Variants in MLLT10 observed in about 807,000 individuals in gnomAD.
The protein encoded by MLLT10 is MLLT10 histone lysine methyltransferase DOT1L cofactor.
In MLLT10, 30 loss-of-function variants were observed where a neutral mutation model predicts 129.1. The observed-to-expected ratio is 0.23, with a 90% CI of 0.17 to 0.32. The LOEUF is 0.32. MLLT10 is among the 10% of genes least tolerant of loss of function. The probability of loss-of-function intolerance (pLI) is 1.00; values close to 1 mark genes in which losing one functional copy is unlikely to be tolerated. For synonymous variants in MLLT10, 490 were observed against 446.4 expected, an observed-to-expected ratio of 1.10 and a Z score of -1.23; for missense variants, 1,119 against 1,268.3, an observed-to-expected ratio of 0.88 and a Z score of 1.79.
chr10:21,538,970 C>A, intron 3 of MLLT10, 58 bp downstream of exon 3: 1 of 1,218,354 alleles, frequency 8.2e-7, no homozygotes, highest in Non-Finnish European at 1.2e-6. Flanking sequence ...AAATTAGGAA[C>A]TGCACTCCTG....
At chr10:21,717,939 TTTCTTCTTTC>T (rs765416746) in intron 14 of MLLT10, among the ~76,000 whole-genome samples, 1,885 of 142,476 alleles carry the variant, frequency 0.013, 25 homozygotes, top group Middle Eastern at 0.043. Context: ...TTCTCCTTCT[TTTCTTCTTTC>T]TTCTTCTTTC....
Position 21,534,629 on chromosome 10 carries a change from C to T in MLLT10, c.1-16C>T, listed in dbSNP as rs2033477186. ...CTTGCATGTGTTTTTTAATGGTCCCCCCAACTCCCTCTTAGATGGTCTCTA... is the reference window on the plus strand; with the variant it reads ...CTTGCATGTGTTTTTTAATGGTCCCTCCAACTCCCTCTTAGATGGTCTCTA... On this transcript the variant is annotated splice_polypyrimidine_tract_variant and intron_variant, in intron 1 of 22. Coordinates refer to ENST00000307729, the MANE Select transcript of MLLT10 (RefSeq NM_001195626.3). 2 of 1,599,932 alleles carry T rather than the reference C, an allele frequency of 1.3e-6. No homozygotes were observed. The highest frequency in any genetic ancestry group is 1.7e-6 in the Non-Finnish European group (2 of 1,172,358).
At chr10:21,727,463 TAAA>T (rs962647068) in intron 15 of MLLT10, among the ~76,000 whole-genome samples, 5 of 152,146 alleles carry the variant, frequency 3.3e-5, no homozygotes, top group African/African-American at 1.2e-4. Flanking sequence ...TGCAAAGTGT[TAAA>T]AAATACAAAG....
At chr10:21,605,996 C>T (rs538728106) in intron 5 of MLLT10, among the ~76,000 whole-genome samples, 41 of 152,126 alleles carry the variant, frequency 2.7e-4, no homozygotes, top group African/African-American at 9.4e-4. Flanking sequence ...TTCATTTTTC[C>T]AACAGCATGT....
chr10:21,717,311 T>G (rs1175726435), intron 14 of MLLT10, among the ~76,000 whole-genome samples: 1 of 136,652 alleles, frequency 7.3e-6, no homozygotes, highest in African/African-American at 2.8e-5. Flanking sequence ...GAGATAAGAT[T>G]GGGAAGGGCT....
At chr10:21,660,409 G>A (rs987463887) in intron 9 of MLLT10, among the ~76,000 whole-genome samples, 4 of 151,132 alleles carry the variant, frequency 2.6e-5, no homozygotes, top group East Asian at 2.0e-4. Context: ...TGAGGTCAGG[G>A]GTTCCAGACC....
chr10:21,731,001 G>A lies in MLLT10; in HGVS notation c.2165G>A (p.Arg722Lys), dbSNP rs751513549. The A allele has an allele frequency of 6.2e-7, 1 of 1,614,124 alleles. No individual in the cohort carries two copies. Among genetic ancestry groups the A allele is most frequent in the South Asian group, 1.1e-5 (1 of 91,076 alleles). ...GCCAGCATAGAACAGCTTTTGGAGAGGCAGTGGAGTGAAGGACAGCAATTT... is the reference window on the plus strand; with the variant it reads ...GCCAGCATAGAACAGCTTTTGGAGAAGCAGTGGAGTGAAGGACAGCAATTT... ...VAASIEQLLE[R>K]QWSEGQQFLL... Residue 722 changes from arginine to lysine, a missense_variant, in exon 17 of 23, where the codon AGG becomes AAG. Arg to Lys is a conservative substitution (Grantham distance 26). Transcript: ENST00000307729.
chr10:21,558,788 C>G (rs1282616365), intron 3 of MLLT10, among the ~76,000 whole-genome samples: 1 of 152,142 alleles, frequency 6.6e-6, no homozygotes, highest in Non-Finnish European at 1.5e-5. Context: ...CATAAATCAG[C>G]TGTTAATATT....
intron 13 of MLLT10, among the ~76,000 whole-genome samples, chr10:21,684,266 C>T (rs1430826749): frequency 2.0e-5 from 3 of 152,160 alleles, no homozygotes; most frequent in Non-Finnish European, 4.4e-5. Context: ...CTCCTTGACT[C>T]TCTTATGTAC....
At chr10:21,618,053 G>A (rs1222039616) in intron 8 of MLLT10, among the ~76,000 whole-genome samples, 3 of 152,114 alleles carry the variant, frequency 2.0e-5, no homozygotes, top group Non-Finnish European at 4.4e-5. Flanking sequence ...TTAAGGAAGT[G>A]AAGATAAAAA....
chr10:21,733,477 GTTTC>G (rs779046671), intron 18 of MLLT10, 23 bp from the exon 19 acceptor site: 4 of 1,359,246 alleles, frequency 2.9e-6, no homozygotes, highest in Non-Finnish European at 3.9e-6. Context: ...GGGTAAATAG[GTTTC>G]TTTTTGTCTT....
chr10:21,669,126 A>T, intron 9 of MLLT10: 2 of 1,236,274 alleles, frequency 1.6e-6, no homozygotes, highest in Non-Finnish European at 2.1e-6. Context: ...TTTTAAACTT[A>T]CTTTGAAACG....
intron 21 of MLLT10, among the ~76,000 whole-genome samples, chr10:21,736,381 C>T (rs2058366537): frequency 6.6e-6 from 1 of 152,166 alleles, no homozygotes; most frequent in South Asian, 2.1e-4. Context: ...ATCTCCTGGG[C>T]TCAAGTGATC....
intron 2 of MLLT10, among the ~76,000 whole-genome samples, chr10:21,535,632 T>C (rs531989868): frequency 6.6e-6 from 1 of 152,344 alleles, no homozygotes; most frequent in East Asian, 1.9e-4. Context: ...TTTCTGGCCT[T>C]TGAAGTGGCC....
intron 20 of MLLT10, 114 bp from the exon 21 acceptor site, chr10:21,735,025 A>C (rs2058249944): frequency 1.4e-6 from 1 of 717,806 alleles, no homozygotes; most frequent in Non-Finnish European, 2.4e-6. Context: ...GTTTGGATTC[A>C]GAATTGTACT....
At chr10:21,592,440 GTTTT>G (rs869260444) in intron 4 of MLLT10, among the ~76,000 whole-genome samples, 2 of 144,020 alleles carry the variant, frequency 1.4e-5, no homozygotes, top group Non-Finnish European at 3.0e-5. Context: ...GTTTTCTGTA[GTTTT>G]TTTTTTTTTG....
chr10:21,716,356 A>G (rs1177399392), intron 14 of MLLT10, among the ~76,000 whole-genome samples: 1 of 152,180 alleles, frequency 6.6e-6, no homozygotes, highest in East Asian at 1.9e-4. Context: ...TTTTAGAGCA[A>G]TGCAGTAAGA....
intron 9 of MLLT10, among the ~76,000 whole-genome samples, chr10:21,661,164 T>C (rs1472514662): frequency 6.6e-6 from 1 of 152,226 alleles, no homozygotes; most frequent in Non-Finnish European, 1.5e-5. Context: ...CAAGGCACAC[T>C]GTATGATTTC....
intron 5 of MLLT10, among the ~76,000 whole-genome samples, chr10:21,604,444 G>A (rs1318770638): frequency 1.3e-5 from 2 of 152,064 alleles, no homozygotes; most frequent in Non-Finnish European, 2.9e-5. Context: ...GCAAAAATTA[G>A]CGAGGTGTAG....
Sources: allele counts gnomAD v4.1 joint callset (sites outside exome capture counted in the v4.1 genomes callset), GRCh38; gene constraint gnomAD v4.1.1; transcripts MANE v1.5; gene names NCBI Gene and HGNC (gene_info 2026-07-23, HGNC 2026-07-21).